PLEC: variants seen among roughly 807,000 people sequenced by gnomAD.
PLEC encodes the protein hemidesmosomal protein 1.
A neutral mutation model predicts 392.8 loss-of-function variants in PLEC; 216 were observed. The observed-to-expected ratio is 0.55, with a 90% CI of 0.49 to 0.62. PLEC has a LOEUF of 0.62. PLEC is among the 20% of genes least tolerant of loss of function. PLEC has a pLI of 0.00. For missense variants in PLEC, 6,863 were observed against 6,563.4 expected (o/e 1.05, Z -1.58); for synonymous variants, 3,621 against 2,980.6 (o/e 1.21, Z -7.00).
chr8:143,975,490 G>A (rs563941340), upstream of PLEC: 66 of 845,786 alleles, frequency 7.8e-5, no homozygotes, highest in African/African-American at 8.2e-4. This position sits in a 1 kb window ranked among gnomAD's most constrained non-coding sequence, Gnocchi z 9.9. Context: ...CCAGCCTCTC[G>A]CCTGGACACT....
At chr8:143,927,191 CCCG>C (rs1825521856) in intron 28 of PLEC, 58 bp downstream of exon 28, 9 of 1,585,064 alleles carry the variant, frequency 5.7e-6, no homozygotes, top group Non-Finnish European at 6.9e-6. Flanking sequence ...TCAGGGAAAG[CCCG>C]CCATCATCCT....
upstream of PLEC, chr8:143,943,950 C>G: frequency 6.3e-7 from 1 of 1,577,280 alleles, no homozygotes; most frequent in Non-Finnish European, 8.6e-7. Context: ...CTGCTCCAGG[C>G]TAGACAGCCC....
rs782071263 is a variant in PLEC at position 143,917,595 on chromosome 8, TCTC to T, written c.12223_12225del (p.Glu4075del). The T allele has an allele frequency of 1.1e-5, 18 of 1,613,590 alleles. No individual in the cohort carries two copies. The highest frequency in any genetic ancestry group is 2.7e-5 in the African/African-American group (2 of 74,864). On this transcript the variant is annotated inframe_deletion, in exon 32 of 32. Transcript: ENST00000345136. ...GAGGGGTCGGTCAGGATCTCGTTCA[TCTC>T]CTCATCGAAGAGGCCGCGCTTGTAG...
chr8:143,926,782 A>ACCT lies in PLEC; in HGVS notation c.4043_4044+1dup. 5.6e-6 allele frequency: 9 copies of ACCT among 1,609,564 alleles called. No homozygotes were observed. Among genetic ancestry groups the ACCT allele is most frequent in the East Asian group, 2.2e-5 (1 of 44,838 alleles). On this transcript the variant is annotated splice_donor_variant, in intron 30 of 31. Coordinates refer to ENST00000345136, the MANE Select transcript of PLEC (RefSeq NM_201384.3). LOFTEE classifies it high-confidence loss of function. ...GCCCAGCCTCCGCCCAACGGGCTGT[A>ACCT]CCTCCTCCTCCTCCATGCGCCGCAG...
At chr8:143,956,123 T>A (rs1420184500), upstream of PLEC, among the ~76,000 whole-genome samples, 1 of 152,082 alleles carries the variant, frequency 6.6e-6, no homozygotes, top group Non-Finnish European at 1.5e-5. Context: ...AATTTTTGTA[T>A]TTTCAGTTGA....
chr8:143,975,262 C>T (rs980160109), upstream of PLEC: 3 of 1,609,094 alleles, frequency 1.9e-6, no homozygotes, highest in African/African-American at 1.3e-5. This position sits in a 1 kb window ranked among gnomAD's most constrained non-coding sequence, Gnocchi z 9.9. Flanking sequence ...GGCTCCGCTG[C>T]GTTTTCCCAA....
intron 1 of PLEC, among the ~76,000 whole-genome samples, chr8:143,939,081 C>T (rs1470569889): frequency 6.6e-6 from 1 of 152,162 alleles, no homozygotes; most frequent in Non-Finnish European, 1.5e-5. Context: ...GAAGGGAAGC[C>T]GCGTGTGCTG....
rs1258391067 is a variant in PLEC, at chr8:143,937,180, G to A, written c.327C>T (p.Tyr109=). 1.9e-6 allele frequency: 3 copies of A among 1,612,386 alleles called. No homozygotes were observed. The African/African-American group carries it at 4.0e-5, about 22-fold the overall frequency. ...GCAGCCTTACCTGGCGGTGCCGGAG[G>A]TAGTCCAGGGCAATCTGGACATTCT... ...KLQNVQIALD[Y]LRHRQVKLVN... Residue 109 remains tyrosine, a synonymous_variant, in exon 4 of 32, where the codon TAC becomes TAT. Coordinates refer to ENST00000345136, the MANE Select transcript of PLEC (RefSeq NM_201384.3).
chr8:143,972,821 C>T (rs912846267), intron 1 of PLEC, among the ~76,000 whole-genome samples: 3 of 152,162 alleles, frequency 2.0e-5, no homozygotes, highest in Non-Finnish European at 2.9e-5. Context: ...AGGCATCAAG[C>T]AGGTGGGCAG....
At position 143,921,203 on chromosome 8, in the gene PLEC, T is replaced by C; in HGVS notation, c.8618A>G (p.Glu2873Gly). The change falls in exon 32 of 32, where the codon GAG becomes GGG. Residue 2873 changes from glutamate (E) to glycine (G), a missense_variant. Coordinates refer to ENST00000345136, the MANE Select transcript of PLEC (RefSeq NM_201384.3). Reference protein sequence around the residue: ...TYLQLLERCVEDPETGLCLLP... With the variant: ...TYLQLLERCVGDPETGLCLLP... ...AAGGCACAGGCCCGTCTCGGGGTCC[T>C]CCACGCAGCGCTCCAGTAGCTGCAG... 4.3e-6 allele frequency: 7 copies of C among 1,613,990 alleles called. No individual in the cohort carries two copies. The highest frequency in any genetic ancestry group is 5.9e-6 in the Non-Finnish European group (7 of 1,180,044).
At chr8:143,936,860 C>T (rs529652699) in intron 5 of PLEC, 119 bp downstream of exon 5, 20 of 781,418 alleles carry the variant, frequency 2.6e-5, no homozygotes, top group Admixed American at 8.2e-5. Flanking sequence ...ATACCTACGG[C>T]GCCAGTCACC....
chr8:143,931,928 GGTTCTCACCTGAAAGTAGGCAGC>G lies in PLEC; in HGVS notation c.2164_2178+8del. The G allele has an allele frequency of 6.2e-7, 1 of 1,600,462 alleles. No homozygotes were observed. The highest frequency in any genetic ancestry group is 8.5e-7 in the Non-Finnish European group (1 of 1,174,132). On this transcript the variant is annotated splice_donor_variant and splice_donor_5th_base_variant and coding_sequence_variant and intron_variant, in exon 18 of 32. Transcript: ENST00000345136. LOFTEE classifies it high-confidence loss of function. ...TGAGCCACAGTGCGGAGGGGGCTCC[GGTTCTCACCTGAAAGTAGGCAGC>G]GTTCTCCTTCAGGTGTGCCTCGATA...
At position 143,922,720 on chromosome 8, in the gene PLEC, G is replaced by C; in HGVS notation, c.7209C>G (p.Ala2403=). 6.2e-7 allele frequency: 1 copy of C among 1,611,916 alleles called. No homozygotes were observed. Among genetic ancestry groups the C allele is most frequent in the Non-Finnish European group, 8.5e-7 (1 of 1,179,722 alleles). ...CCTCCGCCTGCTTCCGGAAGCGCTG[G>C]GCGTCCTCCTCAGCGCGGGCCTGGG... ...SRAQARAEED[A]QRFRKQAEEI... The change falls in exon 31 of 32, where the codon GCC becomes GCG. Residue 2403 remains alanine, a synonymous_variant. Coordinates refer to ENST00000345136, the MANE Select transcript of PLEC (RefSeq NM_201384.3).
chr8:143,925,066 C>T lies in PLEC; in HGVS notation c.4863G>A (p.Glu1621=), dbSNP rs918647658. 8.4e-6 allele frequency: 13 copies of T among 1,539,048 alleles called. No individual in the cohort carries two copies. The highest frequency in any genetic ancestry group is 1.1e-5 in the Non-Finnish European group (13 of 1,148,968). Residue 1621 remains glutamate (E), a synonymous_variant, in exon 31 of 32, where the codon GAG becomes GAA. Transcript: ENST00000345136. ...CCCGCTCTGCCTCCTCGCGCGCCCG[C>T]TCGGCCTCGGCCTGCTGCTGTGCCC... ...ERRAQQQAEA[E]RAREEAEREL... is the part of the protein sequence containing the mutation.
At chr8:143,948,239 C>T (rs1273372463) in intron 1 of PLEC, among the ~76,000 whole-genome samples, 2 of 152,252 alleles carry the variant, frequency 1.3e-5, no homozygotes, top group Non-Finnish European at 2.9e-5. Flanking sequence ...AGGGGCAGCC[C>T]ATCCAACAGG....
In PLEC at chr8:143,925,203, C is replaced by A. The variant is rs1554701199; in HGVS notation, c.4726G>T (p.Ala1576Ser). The A allele has an allele frequency of 1.9e-6, 3 of 1,587,448 alleles. No individual in the cohort carries two copies. The highest frequency in any genetic ancestry group is 2.6e-6 in the Non-Finnish European group (3 of 1,175,256). The change falls in exon 31 of 32, where the codon GCG becomes TCG. Residue 1576 changes from alanine to serine, a missense_variant. By Grantham distance (99) the Ala-to-Ser change is moderately conservative (BLOSUM62 1). Coordinates refer to ENST00000345136, the MANE Select transcript of PLEC (RefSeq NM_201384.3). ...ALETAQRSAE[A>S]ELQSKRASFA... The stretch of plus-strand genomic sequence containing the variant: ...GAGGCGCGTTTGCTCTGCAGCTCCG[C>A]CTCTGCACTGCGCTGCGCCGTCTCC...
intron 1 of PLEC, among the ~76,000 whole-genome samples, chr8:143,967,362 CAAAAAAAAAA>C (rs869137248): frequency 1.0e-3 from 49 of 46,848 alleles, no homozygotes; most frequent in Admixed American, 2.8e-3. Flanking sequence ...GACTCCATCT[CAAAAAAAAAA>C]AAAAAAAAAA....
In PLEC at chr8:143,921,746, A is replaced by T; in HGVS notation, c.8075T>A (p.Leu2692Gln). The change falls in exon 32 of 32, where the codon CTG becomes CAG. Residue 2692 changes from leucine (L) to glutamine (Q), a missense_variant. By Grantham distance (113) the Leu-to-Gln change is moderately radical. Coordinates refer to ENST00000345136, the MANE Select transcript of PLEC (RefSeq NM_201384.3). ...LARREDVRHYLQGRSSIAGLL... is the reference protein window; with the variant it reads ...LARREDVRHYQQGRSSIAGLL... ...CCCTGCGATACTGCTGCGGCCCTGC[A>T]GGTAGTGGCGCACGTCTTCCCGCCG... is the stretch of plus-strand genomic sequence containing the variant. 1.2e-6 allele frequency: 2 copies of T among 1,612,570 alleles called. No homozygotes were observed. The highest frequency in any genetic ancestry group is 1.7e-6 in the Non-Finnish European group (2 of 1,179,864).
chr8:143,964,526 C>G (rs917736199), intron 1 of PLEC, among the ~76,000 whole-genome samples: 6 of 152,212 alleles, frequency 3.9e-5, no homozygotes, highest in Non-Finnish European at 7.3e-5. Flanking sequence ...AGGCCAGGAA[C>G]AGAGTCCGCC....
Sources: gnomAD v4.1 joint callset for allele counts (sites outside exome capture counted in the v4.1 genomes callset) on GRCh38, gnomAD v4.1.1 for gene constraint, Gnocchi (gnomAD v3.1) non-coding constraint, MANE v1.5 for transcripts, NCBI Gene and HGNC (gene_info 2026-07-23, HGNC 2026-07-21) for gene names.